Variants in PUDP observed in about 807,000 individuals in gnomAD.
PUDP encodes pseudouridine 5'-phosphatase.
Under a neutral mutation model 9.4 loss-of-function variants are expected in PUDP, and 8 were observed. The observed-to-expected ratio is 0.85, with a 90% CI of 0.50 to 1.53. The LOEUF (loss-of-function observed/expected upper bound fraction) is 1.53. Ranked by LOEUF, PUDP falls within the 40% of genes most tolerant of loss-of-function variation. The pLI, the probability that PUDP is intolerant of heterozygous loss-of-function variation, is 0.00. For missense variants in PUDP, 188 were observed against 189.7 expected, an observed-to-expected ratio of 0.99 and a Z score of 0.05; for synonymous variants, 99 against 80.7, an observed-to-expected ratio of 1.23 and a Z score of -1.22.
intron 3 of PUDP, among the ~76,000 whole-genome samples, chrX:6,807,704 A>C (rs1254434367): frequency 8.9e-6 from 1 of 112,002 alleles, no homozygotes; most frequent in East Asian, 2.8e-4. Flanking sequence ...TCCTGGAGGA[A>C]GCCCAGCTGC....
intron 3 of PUDP, among the ~76,000 whole-genome samples, chrX:6,967,155 G>C (rs1446960243): frequency 8.9e-6 from 1 of 111,842 alleles, no homozygotes; most frequent in African/African-American, 3.3e-5. Context: ...GAGAGCGGCT[G>C]CCACAGGAGG....
intron 1 of PUDP, among the ~76,000 whole-genome samples, chrX:7,004,675 G>A (rs1422479698): frequency 1.8e-5 from 2 of 112,078 alleles, no homozygotes; most frequent in Non-Finnish European, 3.8e-5. Context: ...TTGAAAAATA[G>A]TGATTTTATA....
In PUDP at chrX:7,059,219, C is replaced by T. The variant is rs891377320; in HGVS notation, c.511-8747G>A. Among the ~76,000 whole-genome samples, 5 of 111,249 alleles carry T rather than the reference C, an allele frequency of 4.5e-5. No individual in the cohort carries two copies. In the East Asian group the frequency reaches 1.4e-3, roughly 31 times the overall value. On this transcript the variant is annotated intron_variant, in intron 3 of 3. Transcript: ENST00000381077. ...TTACTCAATAAAAGTACATTACGGG[C>T]ACTCTTAGCATGCATATTAAAGTGT...
chrX:6,720,244 A>G (rs192720301), intron 1 of PUDP, among the ~76,000 whole-genome samples: 13,098 of 63,447 alleles, frequency 0.21, 2,143 homozygotes, highest in African/African-American at 0.53. Flanking sequence ...GTATATATGT[A>G]TGTGTGTGTG....
chrX:6,938,796 T>G (rs1429420550), intron 3 of PUDP, among the ~76,000 whole-genome samples: 2 of 103,783 alleles, frequency 1.9e-5, no homozygotes, highest in Non-Finnish European at 3.9e-5. Flanking sequence ...CTTTTTTTTT[T>G]TTTTTTTTGC....
intron 3 of PUDP, among the ~76,000 whole-genome samples, chrX:7,075,928 G>C (rs892304197): frequency 4.5e-5 from 5 of 111,315 alleles, no homozygotes; most frequent in African/African-American, 1.6e-4. Context: ...CAGAAGTACA[G>C]GTGGCCCCTG....
At chrX:6,897,869 C>A (rs1927615421) in intron 3 of PUDP, among the ~76,000 whole-genome samples, 1 of 111,358 alleles carries the variant, frequency 9.0e-6, no homozygotes. Context: ...ATTTCAACAT[C>A]AAAAACTTGC....
At chrX:6,785,198 C>T (rs891759634) in intron 3 of PUDP, among the ~76,000 whole-genome samples, 5 of 112,579 alleles carry the variant, frequency 4.4e-5, no homozygotes, top group Non-Finnish European at 9.4e-5. Flanking sequence ...TGGTAATTCC[C>T]TAAAATGTGT....
intron 3 of PUDP, among the ~76,000 whole-genome samples, chrX:6,786,999 G>C (rs1243187896): frequency 1.8e-5 from 2 of 109,025 alleles, no homozygotes; most frequent in South Asian, 4.0e-4. Context: ...GTCACTCTCT[G>C]TCTCTCCCCC....
chrX:7,075,365 C>T (rs1335124089), intron 3 of PUDP, among the ~76,000 whole-genome samples: 1 of 111,478 alleles, frequency 9.0e-6, no homozygotes. Flanking sequence ...ATTAGCCAGG[C>T]GTGATGGCAC....
chrX:7,013,321 T>G (rs1476466681), intron 1 of PUDP, among the ~76,000 whole-genome samples: 1 of 112,002 alleles, frequency 8.9e-6, no homozygotes, highest in African/African-American at 3.3e-5. Context: ...AAAGTTCTAC[T>G]CCTAGAATCC....
intron 1 of PUDP, among the ~76,000 whole-genome samples, chrX:7,119,291 G>T (rs370285557): frequency 3.6e-5 from 4 of 112,470 alleles, no homozygotes; most frequent in Non-Finnish European, 7.5e-5. Context: ...GCACTACCGC[G>T]CTTTTCCCTA....
intron 3 of PUDP, among the ~76,000 whole-genome samples, chrX:6,959,823 T>C (rs957793361): frequency 5.3e-5 from 6 of 112,783 alleles, no homozygotes; most frequent in Non-Finnish European, 1.1e-4. Flanking sequence ...AGGTGGAATA[T>C]AGAGTCAAGA....
chrX:6,933,918 G>A (rs1369414478), intron 3 of PUDP, among the ~76,000 whole-genome samples: 1 of 109,114 alleles, frequency 9.2e-6, no homozygotes, highest in Non-Finnish European at 1.9e-5. Context: ...GAAGCGAGAA[G>A]GGAAGTTTAG....
At chrX:7,034,996 G>C (rs1171034684) in intron 1 of PUDP, among the ~76,000 whole-genome samples, 1 of 111,431 alleles carries the variant, frequency 9.0e-6, no homozygotes, top group Non-Finnish European at 1.9e-5. Flanking sequence ...ATCTCTTTAT[G>C]GATTCAACTA....
chrX:7,010,964 C>G (rs1184969338), intron 1 of PUDP, among the ~76,000 whole-genome samples: 1 of 112,380 alleles, frequency 8.9e-6, no homozygotes, highest in African/African-American at 3.2e-5. Context: ...TTCAACAAAA[C>G]CAGTGCCAAG....
intron 1 of PUDP, among the ~76,000 whole-genome samples, chrX:7,021,385 C>A (rs2099570370): frequency 9.0e-6 from 1 of 111,236 alleles, no homozygotes; most frequent in Non-Finnish European, 1.9e-5. Context: ...CCTCAGAGAC[C>A]AAAATGCATA....
chrX:6,951,320 C>G lies in PUDP; in HGVS notation c.*247+25813G>C, dbSNP rs749055338. 1.5e-4 allele frequency among the ~76,000 whole-genome samples: 17 copies of G among 110,142 alleles called. No individual in the cohort carries two copies. In the South Asian group the frequency reaches 6.8e-3, roughly 44 times the overall value. ...CATCCATCCATCCATTATATCTACC[C>G]ATCCATCATATCTATCTATCGAGCC... On this transcript the variant is annotated intron_variant and NMD_transcript_variant, in intron 3 of 3. Transcript: ENST00000655425.
intron 2 of PUDP, among the ~76,000 whole-genome samples, chrX:7,084,187 G>A (rs138048032): frequency 3.4e-4 from 38 of 111,706 alleles, no homozygotes; most frequent in Middle Eastern, 4.6e-3. Flanking sequence ...CTTGTAACCC[G>A]CTGGGATTCA....
Sources: gnomAD v4.1 joint callset for allele counts (sites outside exome capture counted in the v4.1 genomes callset) on GRCh38, gnomAD v4.1.1 for gene constraint, MANE v1.5 for transcripts, NCBI Gene and HGNC (gene_info 2026-07-23, HGNC 2026-07-21) for gene names.